Variants in PKIA observed in about 807,000 individuals in gnomAD.
The protein encoded by PKIA is cAMP-dependent protein kinase inhibitor alpha, also known as PKI-alpha.
In PKIA, 4 loss-of-function variants were observed where a neutral mutation model predicts 7.6. The ratio of observed to expected loss-of-function variants is 0.52; its 90% CI spans 0.26 to 1.20. The LOEUF is 1.20. Among genes scored for constraint, PKIA ranks in the 50% most tolerant of loss-of-function variants. The pLI is 0.13. For missense variants in PKIA, 73 were observed against 86.2 expected (o/e 0.85, Z 0.61); for synonymous variants, 21 against 30.7 (o/e 0.68, Z 1.04).
chr8:78,577,519 A>T lies in PKIA; in HGVS notation c.-28+4580A>T, dbSNP rs1423795674. Among the ~76,000 whole-genome samples, 3 of 151,966 alleles carry T rather than the reference A, an allele frequency of 2.0e-5. No individual in the cohort carries two copies. The South Asian group carries it at 6.2e-4, about 32-fold the overall frequency. On this transcript the variant is annotated intron_variant, in intron 2 of 3. Transcript: ENST00000396418. ...AAAAGTTTGAAAAAAAAAGAAAAAA[A>T]GTTAGTTAACCTGGTCATTTCTTAC... is the stretch of plus-strand genomic sequence containing the variant.
chr8:78,531,267 C>A (rs1293033139), intron 1 of PKIA, among the ~76,000 whole-genome samples: 2 of 152,028 alleles, frequency 1.3e-5, no homozygotes, highest in African/African-American at 4.8e-5. Context: ...TCAGAACCTT[C>A]TCAAAAATAA....
chr8:78,543,206 C>T (rs1806739670), intron 1 of PKIA, among the ~76,000 whole-genome samples: 1 of 152,206 alleles, frequency 6.6e-6, no homozygotes, highest in Non-Finnish European at 1.5e-5. Flanking sequence ...ACCCAGAGAG[C>T]TGTGTGCTTG....
intron 1 of PKIA, among the ~76,000 whole-genome samples, chr8:78,552,367 A>G (rs920158043): frequency 1.3e-5 from 2 of 150,790 alleles, no homozygotes; most frequent in Non-Finnish European, 3.0e-5. Context: ...TACTGGAAGG[A>G]AGGAAGACTT....
chr8:78,603,480 C>T lies in PKIA; in HGVS notation c.*1659C>T, dbSNP rs957572491. 4 of 151,816 alleles carry T rather than the reference C, an allele frequency of 2.6e-5. No homozygotes were observed. The highest frequency in any genetic ancestry group is 7.3e-5 in the African/African-American group (3 of 41,348). 9.4% of individuals were successfully genotyped at this position (151,816 alleles called of 1,614,324 possible). A position where few individuals can be genotyped will look rare whatever the true frequency, so the allele number is the denominator to read the frequency against. The stretch of plus-strand genomic sequence containing the variant: ...AATAAGGGCATGGTTGCATTTAGTA[C>T]TCAATCAGATATTACTAGAAAAAAA... On this transcript the variant is annotated 3_prime_UTR_variant, in exon 4 of 4. Transcript: ENST00000396418.
At chr8:78,520,187 C>T (rs1343710664) in intron 1 of PKIA, among the ~76,000 whole-genome samples, 2 of 152,150 alleles carry the variant, frequency 1.3e-5, no homozygotes, top group African/African-American at 4.8e-5. Flanking sequence ...CACTCCTCTA[C>T]CAGCCAAGTT....
intron 2 of PKIA, among the ~76,000 whole-genome samples, chr8:78,576,360 T>A (rs927267901): frequency 2.0e-5 from 3 of 152,054 alleles, no homozygotes; most frequent in Admixed American, 1.3e-4. Flanking sequence ...TTAAGTTCAA[T>A]CAAGTTAAAT....
chr8:78,601,973 A>G lies in PKIA; in HGVS notation c.*152A>G, dbSNP rs2130298163. On this transcript the variant is annotated 3_prime_UTR_variant, in exon 4 of 4. Coordinates refer to ENST00000396418, the MANE Select transcript of PKIA (RefSeq NM_006823.4). ...TCATTATCATGTTAAAAATGAGGGC[A>G]GAGGCTGTGGCTGCAGGCAGACTTT... is the stretch of plus-strand genomic sequence containing the variant. 1.6e-6 allele frequency: 1 copy of G among 624,592 alleles called. No homozygotes were observed. Among genetic ancestry groups the G allele is most frequent in the African/African-American group, 1.9e-5 (1 of 53,976 alleles). 38.7% of individuals were successfully genotyped at this position (624,592 alleles called of 1,614,324 possible).
At chr8:78,520,987 A>T (rs995088493) in intron 1 of PKIA, among the ~76,000 whole-genome samples, 1 of 152,136 alleles carries the variant, frequency 6.6e-6, no homozygotes, top group African/African-American at 2.4e-5. Flanking sequence ...ACAGCTGATG[A>T]CTAGGAAGCA....
chr8:78,540,705 G>A (rs1043628284), intron 1 of PKIA, among the ~76,000 whole-genome samples: 1 of 150,798 alleles, frequency 6.6e-6, no homozygotes, highest in African/African-American at 2.4e-5. Flanking sequence ...TCCTTTTTTC[G>A]CAAATTTTTT....
rs1442352785 is a variant in PKIA at position 78,572,812 on chromosome 8, T to C, written c.-155T>C. 6.6e-6 allele frequency: 1 copy of C among 152,038 alleles called. No homozygotes were observed. Among genetic ancestry groups the C allele is most frequent in the Non-Finnish European group, 1.5e-5 (1 of 67,990 alleles). The allele number at this position is 152,038 out of a possible 1,614,324, so 9.4% of individuals were successfully genotyped here. ...TTTCTCTTGCTATCTGCATTTCAGT[T>C]TCCTGACTTTCTGAGAAGCCCTGGT... On this transcript the variant is annotated splice_region_variant and 5_prime_UTR_variant, in exon 2 of 4. Transcript: ENST00000396418.
Position 78,549,313 on chromosome 8 carries a change from A to T in PKIA, c.-156-23498A>T, listed in dbSNP as rs546233415. 7.9e-5 allele frequency among the ~76,000 whole-genome samples: 12 copies of T among 152,004 alleles called. 1 individual carries two copies. In the South Asian group the frequency reaches 2.5e-3, roughly 31 times the overall value. ...TTACTAAAACTTTTTTTGGAAGAGA[A>T]AAAGCTAGAGTAGCAGATATGCACA... On this transcript the variant is annotated intron_variant, in intron 1 of 3. Transcript: ENST00000396418.
intron 1 of PKIA, among the ~76,000 whole-genome samples, chr8:78,524,047 A>T (rs1384714654): frequency 7.8e-6 from 1 of 127,804 alleles, no homozygotes; most frequent in African/African-American, 3.2e-5. Context: ...TATATATATA[A>T]ATATATATAA....
chr8:78,549,940 C>T (rs1428032664), intron 1 of PKIA, among the ~76,000 whole-genome samples: 1 of 151,936 alleles, frequency 6.6e-6, no homozygotes, highest in Non-Finnish European at 1.5e-5. Flanking sequence ...TCCTCTAGAC[C>T]GTAATACAAT....
intron 3 of PKIA, among the ~76,000 whole-genome samples, chr8:78,601,084 C>T (rs557532812): frequency 4.6e-5 from 7 of 152,092 alleles, no homozygotes; most frequent in Admixed American, 1.3e-4. Context: ...GAAATGTTTG[C>T]CATACCACTG....
intron 1 of PKIA, among the ~76,000 whole-genome samples, chr8:78,568,341 C>A (rs1359104819): frequency 6.6e-6 from 1 of 152,076 alleles, no homozygotes; most frequent in Non-Finnish European, 1.5e-5. Flanking sequence ...ATCGTAATAA[C>A]CTTGTGAACC....
intron 2 of PKIA, among the ~76,000 whole-genome samples, chr8:78,592,821 C>T (rs1262042283): frequency 1.3e-5 from 2 of 152,062 alleles, no homozygotes; most frequent in Non-Finnish European, 1.5e-5. Context: ...TTTGGTATTT[C>T]AAATCTTTTA....
At chr8:78,596,927 A>G (rs1192167136) in intron 2 of PKIA, among the ~76,000 whole-genome samples, 1 of 152,182 alleles carries the variant, frequency 6.6e-6, no homozygotes, top group African/African-American at 2.4e-5. Flanking sequence ...AGCACCATTT[A>G]TTGAAGAGAG....
chr8:78,573,457 A>G (rs896200163), intron 2 of PKIA, among the ~76,000 whole-genome samples: 1 of 151,970 alleles, frequency 6.6e-6, no homozygotes, highest in African/African-American at 2.4e-5. Flanking sequence ...TGAATGGAGC[A>G]TGTGAAAGGG....
At chr8:78,538,229 A>G (rs536514612) in intron 1 of PKIA, among the ~76,000 whole-genome samples, 1 of 152,222 alleles carries the variant, frequency 6.6e-6, no homozygotes, top group Admixed American at 6.6e-5. Context: ...TATTTCTGGC[A>G]TCAAAAGCAA....
Sources: gnomAD v4.1 joint callset for allele counts (sites outside exome capture counted in the v4.1 genomes callset) on GRCh38, gnomAD v4.1.1 for gene constraint, MANE v1.5 for transcripts, NCBI Gene and HGNC (gene_info 2026-07-23, HGNC 2026-07-21) for gene names.